SLC1A2: variants seen among roughly 807,000 people sequenced by gnomAD.
SLC1A2 encodes solute carrier family 1 member 2, also known as excitatory amino acid transporter 2.
A neutral mutation model predicts 48.8 loss-of-function variants in SLC1A2; 15 were observed. The ratio of observed to expected loss-of-function variants is 0.31; its 90% confidence interval spans 0.21 to 0.47. The LOEUF is 0.47. SLC1A2 is among the 20% of genes least tolerant of loss of function. The pLI is 0.99. For synonymous variants in SLC1A2, 279 were observed against 272.6 expected (o/e 1.02, Z -0.23); for missense variants, 502 against 730.5 (o/e 0.69, Z 3.61).
intron 6 of SLC1A2, among the ~76,000 whole-genome samples, chr11:35,293,725 AG>A (rs980012393): frequency 6.6e-6 from 1 of 152,218 alleles, no homozygotes; most frequent in Non-Finnish European, 1.5e-5. Context: ...GAGTCAGGAA[AG>A]GATGCTGTAA....
chr11:35,253,998 AGGGGATT>A lies in SLC1A2; in HGVS notation c.*6889_*6895del, dbSNP rs529260824. The A allele has an allele frequency of 1.2e-4, 18 of 152,536 alleles. No individual in the cohort carries two copies. The highest frequency in any genetic ancestry group is 1.1e-3 in the Admixed American group (17 of 15,284). 9.4% of individuals were successfully genotyped at this position (152,536 alleles called of 1,614,324 possible). On this transcript the variant is annotated 3_prime_UTR_variant, in exon 11 of 11. Transcript: ENST00000278379. The stretch of plus-strand genomic sequence containing the variant: ...CTTTATAAATAATAGCAAACAAGCT[AGGGGATT>A]TGTTTAAAAAAATGTAAGACTGGGC...
At chr11:35,308,753 C>T (rs1851592544) in intron 4 of SLC1A2, among the ~76,000 whole-genome samples, 1 of 152,196 alleles carries the variant, frequency 6.6e-6, no homozygotes, top group Non-Finnish European at 1.5e-5. Context: ...AAGGGACAGA[C>T]ATCCAAAGCA....
At chr11:35,317,336 A>G in intron 2 of SLC1A2, 41 bp downstream of exon 2, 1 of 1,599,496 alleles carries the variant, frequency 6.3e-7, no homozygotes. Flanking sequence ...GGAGAGTCCC[A>G]GAGAAGAGGG....
Position 35,260,785 on chromosome 11 carries a change from C to T in SLC1A2, c.*109G>A. 1.2e-6 allele frequency: 1 copy of T among 816,138 alleles called. No homozygotes were observed. The highest frequency in any genetic ancestry group is 2.1e-6 in the Non-Finnish European group (1 of 478,896). 50.6% of individuals were successfully genotyped at this position (816,138 alleles called of 1,614,324 possible). ...AGCCTCGGCTAACAGATTAAGTAAACATAGAAATATACGCATTTTTTTCCT... is the reference window on the plus strand; with the variant it reads ...AGCCTCGGCTAACAGATTAAGTAAATATAGAAATATACGCATTTTTTTCCT... On this transcript the variant is annotated 3_prime_UTR_variant, in exon 11 of 11. Coordinates refer to ENST00000278379, the MANE Select transcript of SLC1A2 (RefSeq NM_004171.4).
chr11:35,408,598 T>C (rs1855370581), intron 1 of SLC1A2, among the ~76,000 whole-genome samples: 2 of 152,258 alleles, frequency 1.3e-5, no homozygotes, highest in Admixed American at 1.3e-4. Context: ...CCTCTTTTTA[T>C]TCCCAGTTTC....
At chr11:35,314,673 A>G (rs1358924417) in intron 3 of SLC1A2, among the ~76,000 whole-genome samples, 1 of 151,252 alleles carries the variant, frequency 6.6e-6, no homozygotes, top group East Asian at 1.9e-4. Context: ...AGATTGCACC[A>G]CCGCACTCCA....
intron 1 of SLC1A2, among the ~76,000 whole-genome samples, chr11:35,366,030 A>G (rs1450765844): frequency 6.6e-6 from 1 of 152,184 alleles, no homozygotes; most frequent in Non-Finnish European, 1.5e-5. Context: ...GCCAGCCCCA[A>G]ATGTCAATAG....
intron 1 of SLC1A2, chr11:35,323,324 C>G (rs2134941901): frequency 6.3e-6 from 1 of 157,546 alleles, no homozygotes; most frequent in African/African-American, 2.4e-5. Flanking sequence ...ATGGGTGTGT[C>G]AGGGGAAAAG....
In SLC1A2 at chr11:35,254,688, T is replaced by C. The variant is rs1167816782; in HGVS notation, c.*6206A>G. The C allele has an allele frequency of 1.6e-5, 7 of 437,890 alleles. No individual in the cohort carries two copies. The highest frequency in any genetic ancestry group is 2.7e-5 in the Non-Finnish European group (6 of 220,576). 27.1% of individuals were successfully genotyped at this position (437,890 alleles called of 1,614,324 possible). ...TCAGGTTTCAACACTCACCCAAGGA[T>C]TGGGGGTGTCTCCAGAGAAACTGAG... is the stretch of plus-strand genomic sequence containing the variant. On this transcript the variant is annotated 3_prime_UTR_variant, in exon 11 of 11. Coordinates refer to ENST00000278379, the MANE Select transcript of SLC1A2 (RefSeq NM_004171.4).
intron 9 of SLC1A2, among the ~76,000 whole-genome samples, chr11:35,275,076 C>G (rs1850398805): frequency 6.6e-6 from 1 of 152,192 alleles, no homozygotes; most frequent in South Asian, 2.1e-4. Flanking sequence ...ATTCTCCAGC[C>G]CCACCTCAGA....
chr11:35,265,479 C>T (rs1357088816), intron 10 of SLC1A2, 48 bp downstream of exon 10: 1 of 884,418 alleles, frequency 1.1e-6, no homozygotes, highest in East Asian at 2.4e-5. Flanking sequence ...AGAAATCAAG[C>T]ATGCACTACT....
rs1264793060 is a variant in SLC1A2 at position 35,256,931 on chromosome 11, A to G, written c.*3963T>C. 1 of 152,150 alleles carries G rather than the reference A, an allele frequency of 6.6e-6. No individual in the cohort carries two copies. Among genetic ancestry groups the G allele is most frequent in the East Asian group, 1.9e-4 (1 of 5,198 alleles). 9.4% of individuals were successfully genotyped at this position (152,150 alleles called of 1,614,324 possible). Reference sequence around the variant, plus strand: ...ATTCTCTCTGAGCACGGATATACCTACTTGGATTTACTGCTGCATTCCATG... The same window carrying G: ...ATTCTCTCTGAGCACGGATATACCTGCTTGGATTTACTGCTGCATTCCATG... On this transcript the variant is annotated 3_prime_UTR_variant, in exon 11 of 11. Coordinates refer to ENST00000278379, the MANE Select transcript of SLC1A2 (RefSeq NM_004171.4).
At chr11:35,347,275 G>A (rs1024822433) in intron 1 of SLC1A2, among the ~76,000 whole-genome samples, 9 of 152,170 alleles carry the variant, frequency 5.9e-5, no homozygotes, top group Non-Finnish European at 1.0e-4. Flanking sequence ...CTGCAATAGC[G>A]GTGTTACTTT....
intron 2 of SLC1A2, chr11:35,316,832 G>A (rs1156268457): frequency 6.5e-6 from 1 of 152,690 alleles, no homozygotes; most frequent in Non-Finnish European, 1.5e-5. Context: ...AGGAGGAAGA[G>A]GACTTGCAAG....
At chr11:35,269,486 C>A (rs776520584) in intron 9 of SLC1A2, among the ~76,000 whole-genome samples, 1 of 152,180 alleles carries the variant, frequency 6.6e-6, no homozygotes, top group Non-Finnish European at 1.5e-5. Context: ...ACTCCACTCA[C>A]ACACCATGTT....
intron 9 of SLC1A2, among the ~76,000 whole-genome samples, chr11:35,279,480 A>G (rs1850551497): frequency 6.6e-6 from 1 of 152,192 alleles, no homozygotes; most frequent in African/African-American, 2.4e-5. Context: ...TGCCTCCAAG[A>G]GTACCAGACC....
chr11:35,320,772 T>C (rs545111162), intron 1 of SLC1A2, among the ~76,000 whole-genome samples: 1 of 152,346 alleles, frequency 6.6e-6, no homozygotes, highest in East Asian at 1.9e-4. Context: ...AAATTTCTAG[T>C]GGGCCCATAT....
chr11:35,303,095 C>T (rs1283583641), intron 5 of SLC1A2, among the ~76,000 whole-genome samples: 1 of 151,694 alleles, frequency 6.6e-6, no homozygotes, highest in Non-Finnish European at 1.5e-5. Context: ...ATCCAGTTTC[C>T]TATGGTGTCC....
At chr11:35,409,648 C>T (rs1855399965) in intron 1 of SLC1A2, among the ~76,000 whole-genome samples, 2 of 152,126 alleles carry the variant, frequency 1.3e-5, no homozygotes, top group Admixed American at 1.3e-4. Flanking sequence ...GTGGTTCACG[C>T]CTATAATCTC....
Sources: gnomAD v4.1 joint callset for allele counts (sites outside exome capture counted in the v4.1 genomes callset) on GRCh38, gnomAD v4.1.1 for gene constraint, MANE v1.5 for transcripts, NCBI Gene and HGNC (gene_info 2026-07-23, HGNC 2026-07-21) for gene names.